FRMD6: variants seen among roughly 807,000 people sequenced by gnomAD.
FRMD6 encodes the protein FERM domain-containing protein 6.
In FRMD6, 37 loss-of-function variants were observed where a neutral mutation model predicts 73.2. The ratio of observed to expected loss-of-function variants is 0.51; its 90% CI spans 0.39 to 0.66. The LOEUF (loss-of-function observed/expected upper bound fraction) is 0.66, where lower values mean the gene tolerates loss of function less well. Ranked by LOEUF, FRMD6 falls within the 30% of genes least tolerant of loss-of-function variation. The probability of loss-of-function intolerance (pLI) is 0.00; values close to 1 mark genes in which losing one functional copy is unlikely to be tolerated. For synonymous variants in FRMD6, 273 were observed against 282.2 expected (o/e 0.97, Z 0.33); for missense variants, 714 against 780.5 (o/e 0.91, Z 1.02).
At chr14:51,557,748 A>G (rs112212276) in intron 1 of FRMD6, among the ~76,000 whole-genome samples, 254 of 152,298 alleles carry the variant, frequency 1.7e-3, no homozygotes, top group African/African-American at 5.8e-3. Flanking sequence ...GTGTATTCGT[A>G]TATCAAAATA....
chr14:51,626,047 A>G (rs1301609308), intron 2 of FRMD6, among the ~76,000 whole-genome samples: 2 of 152,220 alleles, frequency 1.3e-5, no homozygotes, highest in Non-Finnish European at 2.9e-5. Flanking sequence ...CTGTATGTCA[A>G]TTGTAAGGCA....
intron 1 of FRMD6, among the ~76,000 whole-genome samples, chr14:51,529,043 G>C (rs760806706): frequency 6.6e-6 from 1 of 152,168 alleles, no homozygotes; most frequent in Non-Finnish European, 1.5e-5. Context: ...CATAAGTCAC[G>C]CTTTCCAAGG....
intron 1 of FRMD6, among the ~76,000 whole-genome samples, chr14:51,676,175 T>C (rs1215257904): frequency 6.6e-6 from 1 of 152,156 alleles, no homozygotes; most frequent in African/African-American, 2.4e-5. Flanking sequence ...ACTGTCATCT[T>C]GGCCAGCACA....
At chr14:51,704,062 C>T (rs1410276911) in intron 5 of FRMD6, among the ~76,000 whole-genome samples, 1 of 151,860 alleles carries the variant, frequency 6.6e-6, no homozygotes, top group Non-Finnish European at 1.5e-5. Context: ...TTAGTATTTC[C>T]TTTTGTGGGG....
chr14:51,646,773 A>T (rs1236865487), intron 2 of FRMD6, among the ~76,000 whole-genome samples: 1 of 151,630 alleles, frequency 6.6e-6, no homozygotes, highest in Non-Finnish European at 1.5e-5. Context: ...AGTCTCATGC[A>T]TAAGGCAGCA....
intron 1 of FRMD6, among the ~76,000 whole-genome samples, chr14:51,559,567 A>G (rs1339208057): frequency 1.3e-5 from 2 of 151,822 alleles, no homozygotes; most frequent in Non-Finnish European, 2.9e-5. Context: ...GACTCCTCTG[A>G]CATTCTTCAC....
At chr14:51,499,284 G>A (rs889420050) in intron 1 of FRMD6, among the ~76,000 whole-genome samples, 1 of 152,176 alleles carries the variant, frequency 6.6e-6, no homozygotes, top group African/African-American at 2.4e-5. Context: ...TTGTCACCTG[G>A]CCTTTCATTA....
At chr14:51,418,675 A>C in the FRMD6 span, among the ~76,000 whole-genome samples, 1 of 152,224 alleles carries the variant, frequency 6.6e-6, no homozygotes, top group Non-Finnish European at 1.5e-5. Flanking sequence ...CTCTGAGCTC[A>C]AACACTGTGC....
At chr14:51,670,088 T>C (rs1893890330) in intron 1 of FRMD6, among the ~76,000 whole-genome samples, 1 of 152,104 alleles carries the variant, frequency 6.6e-6, no homozygotes, top group Non-Finnish European at 1.5e-5. Context: ...TTAATTTTAA[T>C]TTTTTTAGAG....
chr14:51,460,443 C>T, the FRMD6 span, among the ~76,000 whole-genome samples: 1 of 152,156 alleles, frequency 6.6e-6, no homozygotes, highest in African/African-American at 2.4e-5. Flanking sequence ...GCTTTTATTT[C>T]CATAAAATAG....
At chr14:51,579,377 A>T (rs769109065) in intron 2 of FRMD6, 1 of 152,114 alleles carries the variant, frequency 6.6e-6, no homozygotes, top group Non-Finnish European at 1.5e-5. Flanking sequence ...CTCCCACAGT[A>T]TACCCCAGCT....
intron 1 of FRMD6, among the ~76,000 whole-genome samples, chr14:51,660,747 AAGGGACAGT>A (rs1165683523): frequency 6.6e-6 from 1 of 152,096 alleles, no homozygotes; most frequent in African/African-American, 2.4e-5. Flanking sequence ...AGAGCAGGCT[AAGGGACAGT>A]AGGAGTGCTG....
intron 1 of FRMD6, among the ~76,000 whole-genome samples, chr14:51,516,508 G>A (rs1218157124): frequency 7.3e-6 from 1 of 137,432 alleles, no homozygotes; most frequent in African/African-American, 3.2e-5. Flanking sequence ...GAGTGAGGGG[G>A]TATATGTGTG....
chr14:51,642,401 G>A (rs2140035787), intron 2 of FRMD6, among the ~76,000 whole-genome samples: 1 of 152,258 alleles, frequency 6.6e-6, no homozygotes. Context: ...TTAGTCAGGT[G>A]TGGCAGAGCA....
intron 2 of FRMD6, among the ~76,000 whole-genome samples, chr14:51,586,866 C>G (rs577045462): frequency 6.6e-6 from 1 of 152,296 alleles, no homozygotes; most frequent in Admixed American, 6.5e-5. Context: ...GCCTCCATCT[C>G]CTAAGTAGCT....
In FRMD6 at chr14:51,511,387, A is replaced by C. The variant is rs111879954; in HGVS notation, c.-210+21967A>C. ...AATAACAGCTTTGATCATGAAAATT[A>C]TTCAGGGCAAAGTGATGTATTAGGA... is the stretch of plus-strand genomic sequence containing the variant. On this transcript the variant is annotated intron_variant, in intron 1 of 14. Coordinates refer to the FRMD6 transcript ENST00000356218. Among the ~76,000 whole-genome samples the C allele has an allele frequency of 4.4e-3, 677 of 152,352 alleles. 3 individuals are homozygous for C. The highest frequency in any genetic ancestry group is 0.016 in the African/African-American group (654 of 41,586).
chr14:51,598,757 A>G (rs948265261), intron 2 of FRMD6, among the ~76,000 whole-genome samples: 2 of 152,218 alleles, frequency 1.3e-5, no homozygotes, highest in Non-Finnish European at 2.9e-5. Context: ...GTAGTATTCC[A>G]TGGTGTATAT....
intron 1 of FRMD6, among the ~76,000 whole-genome samples, chr14:51,664,680 TG>T (rs1194261314): frequency 2.6e-5 from 4 of 152,242 alleles, no homozygotes; most frequent in Non-Finnish European, 5.9e-5. Flanking sequence ...ACAAGGTTTT[TG>T]AGAAGTGGAG....
chr14:51,569,600 C>A (rs1887994338), intron 1 of FRMD6, among the ~76,000 whole-genome samples: 1 of 147,740 alleles, frequency 6.8e-6, no homozygotes, highest in Non-Finnish European at 1.5e-5. Flanking sequence ...ACCTCCCGAG[C>A]TCAGGTGATC....
Sources: allele counts gnomAD v4.1 joint callset (sites outside exome capture counted in the v4.1 genomes callset), GRCh38; gene constraint gnomAD v4.1.1; transcripts MANE v1.5; gene names NCBI Gene and HGNC (gene_info 2026-07-23, HGNC 2026-07-21).